PARD3B: variants seen among roughly 807,000 people sequenced by gnomAD.
The protein encoded by PARD3B is par-3 family cell polarity regulator beta, also known as partitioning defective 3 homolog B.
Under a neutral mutation model 130.2 loss-of-function variants are expected in PARD3B, and 103 were observed. The observed-to-expected ratio is 0.79, with a 90% CI of 0.67 to 0.93. PARD3B has a LOEUF of 0.93. Ranked by LOEUF, PARD3B falls within the 40% of genes least tolerant of loss-of-function variation. PARD3B has a pLI of 0.00. For missense variants in PARD3B, 1,609 were observed against 1,499.2 expected, an observed-to-expected ratio of 1.07 and a Z score of -1.21; for synonymous variants, 583 against 553.2, an observed-to-expected ratio of 1.05 and a Z score of -0.76.
intron 1 of PARD3B, among the ~76,000 whole-genome samples, chr2:204,676,990 C>T (rs1307332461): frequency 6.6e-6 from 1 of 152,038 alleles, no homozygotes; most frequent in African/African-American, 2.4e-5. Flanking sequence ...TTTGAAGGAT[C>T]TTTCTTACGC....
chr2:204,626,577 G>A (rs984048384), intron 1 of PARD3B, among the ~76,000 whole-genome samples: 1 of 151,304 alleles, frequency 6.6e-6, no homozygotes, highest in African/African-American at 2.4e-5. Context: ...AAAAAGTCTG[G>A]GTAAAAACAA....
intron 16 of PARD3B, among the ~76,000 whole-genome samples, chr2:205,271,784 A>T (rs1303178991): frequency 2.0e-5 from 3 of 152,220 alleles, no homozygotes; most frequent in African/African-American, 7.2e-5. Flanking sequence ...TTAAAAGAAA[A>T]CATATCAGAC....
At chr2:204,743,003 G>A (rs2040071433) in intron 2 of PARD3B, among the ~76,000 whole-genome samples, 1 of 152,138 alleles carries the variant, frequency 6.6e-6, no homozygotes, top group African/African-American at 2.4e-5. Context: ...TTTGTAATAG[G>A]TTGGGAAGCA....
At chr2:204,734,124 CAT>C (rs1257337016) in intron 2 of PARD3B, among the ~76,000 whole-genome samples, 1 of 152,066 alleles carries the variant, frequency 6.6e-6, no homozygotes, top group Non-Finnish European at 1.5e-5. Context: ...TTTAAATAGA[CAT>C]ATTTCCAAAA....
chr2:205,080,001 C>G (rs568967709), intron 4 of PARD3B, among the ~76,000 whole-genome samples: 29 of 152,176 alleles, frequency 1.9e-4, no homozygotes, highest in African/African-American at 6.0e-4. Context: ...TTGCTGAGAG[C>G]CTTTTATCTG....
At chr2:205,103,334 T>TTTTTATTTATGTAAAATAAATATA (rs1359708301) in intron 4 of PARD3B, among the ~76,000 whole-genome samples, 1 of 141,760 alleles carries the variant, frequency 7.1e-6, no homozygotes, top group Non-Finnish European at 1.6e-5. Context: ...AATAAACATA[T>TTTTTATTTATGTAAAATAAATATA]TTTTATTTAT....
In PARD3B at chr2:205,322,889, C is replaced by CTTTTTTTTTTTTT. The variant is rs71032461; in HGVS notation, c.2630+21218_2630+21230dup. On this transcript the variant is annotated intron_variant, in intron 18 of 22. Transcript: ENST00000406610. ...TGTTGTTATATCATTATTAACACCTCTTTTTTTTTTTTTTTTTTTTTTTTT... is the reference window on the plus strand; with the variant it reads ...TGTTGTTATATCATTATTAACACCTCTTTTTTTTTTTTTTTTTTTTTTTTTTTTTTTTTTTTTT... Among the ~76,000 whole-genome samples the CTTTTTTTTTTTTT allele has an allele frequency of 3.5e-4, 18 of 51,468 alleles. 2 individuals carry two copies. The highest frequency in any genetic ancestry group is 5.3e-4 in the Non-Finnish European group (14 of 26,334). 33.8% of individuals were successfully genotyped at this position (51,468 alleles called of 152,430 possible).
At chr2:204,581,857 C>T (rs1425720596) in intron 1 of PARD3B, among the ~76,000 whole-genome samples, 1 of 152,160 alleles carries the variant, frequency 6.6e-6, no homozygotes. Flanking sequence ...TGGGGTTGGA[C>T]CCACCCAAGT....
At chr2:204,816,863 G>C (rs2043166638) in intron 2 of PARD3B, among the ~76,000 whole-genome samples, 1 of 151,822 alleles carries the variant, frequency 6.6e-6, no homozygotes, top group Non-Finnish European at 1.5e-5. Context: ...ACAATTACAT[G>C]TGTATTCAGC....
At chr2:204,982,284 G>A (rs557053354) in intron 3 of PARD3B, among the ~76,000 whole-genome samples, 1 of 152,256 alleles carries the variant, frequency 6.6e-6, no homozygotes, top group East Asian at 1.9e-4. Flanking sequence ...ACAATTTAGT[G>A]CTTATTATTG....
intron 1 of PARD3B, among the ~76,000 whole-genome samples, chr2:204,622,179 C>T (rs1475374158): frequency 2.0e-5 from 3 of 152,190 alleles, no homozygotes; most frequent in Admixed American, 6.5e-5. Flanking sequence ...GCATGCCTCT[C>T]ATTGTGCTGT....
chr2:204,706,430 A>C (rs2125288645), intron 2 of PARD3B, among the ~76,000 whole-genome samples: 1 of 152,224 alleles, frequency 6.6e-6, no homozygotes, highest in South Asian at 2.1e-4. Context: ...TTTGAGAAGA[A>C]AATAAGGGAC....
intron 4 of PARD3B, among the ~76,000 whole-genome samples, chr2:205,069,100 A>G (rs1700564855): frequency 6.6e-6 from 1 of 151,548 alleles, no homozygotes; most frequent in Admixed American, 6.6e-5. Flanking sequence ...ATGTACTAAA[A>G]TTTCCTAGTG....
intron 19 of PARD3B, among the ~76,000 whole-genome samples, chr2:205,431,807 A>G (rs1289963017): frequency 6.6e-6 from 1 of 152,152 alleles, no homozygotes; most frequent in East Asian, 1.9e-4. Context: ...TAGATTATTT[A>G]TAATCTAACA....
At chr2:204,738,422 A>G (rs2039852019) in intron 2 of PARD3B, among the ~76,000 whole-genome samples, 1 of 152,182 alleles carries the variant, frequency 6.6e-6, no homozygotes, top group Admixed American at 6.5e-5. Context: ...TTGTAAATCT[A>G]ACTTTCTAAT....
intron 16 of PARD3B, among the ~76,000 whole-genome samples, chr2:205,248,394 G>A (rs966613524): frequency 6.6e-5 from 10 of 151,208 alleles, no homozygotes; most frequent in African/African-American, 1.5e-4. Flanking sequence ...TGGTGGTGGT[G>A]GTGGTGGTGG....
At chr2:204,998,382 GTGTGTGTATA>G (rs1559341615) in intron 3 of PARD3B, among the ~76,000 whole-genome samples, 12 of 93,988 alleles carry the variant, frequency 1.3e-4, no homozygotes, top group African/African-American at 4.4e-4. Context: ...GTGTATATAT[GTGTGTGTATA>G]TATGTATATA....
intron 15 of PARD3B, among the ~76,000 whole-genome samples, chr2:205,194,950 ATTTTT>A (rs56836818): frequency 9.0e-5 from 10 of 111,218 alleles, no homozygotes; most frequent in South Asian, 3.2e-4. Flanking sequence ...CGCCAGGCTA[ATTTTT>A]TTTTTTTTTT....
chr2:205,512,242 T>A (rs2050614954), intron 21 of PARD3B, among the ~76,000 whole-genome samples: 1 of 152,204 alleles, frequency 6.6e-6, no homozygotes, highest in South Asian at 2.1e-4. Flanking sequence ...ATCACAGTGC[T>A]AAATTTTCGG....
Sources: gnomAD v4.1 joint callset for allele counts (sites outside exome capture counted in the v4.1 genomes callset) on GRCh38, gnomAD v4.1.1 for gene constraint, MANE v1.5 for transcripts, NCBI Gene and HGNC (gene_info 2026-07-23, HGNC 2026-07-21) for gene names.